KDM2B: variants seen among roughly 807,000 people sequenced by gnomAD.
KDM2B encodes the protein lysine-specific demethylase 2B.
A neutral mutation model predicts 150.0 loss-of-function variants in KDM2B; 26 were observed. That is an observed-to-expected ratio of 0.17 (90% CI 0.13 to 0.24). KDM2B has a LOEUF of 0.24. Ranked by LOEUF, KDM2B falls within the 10% of genes least tolerant of loss-of-function variation. The pLI, the probability that KDM2B is intolerant of heterozygous loss-of-function variation, is 1.00. For missense variants in KDM2B, 1,265 were observed against 1,816.9 expected (o/e 0.70, Z 5.52); for synonymous variants, 734 against 729.5 (o/e 1.01, Z -0.10).
intron 12 of KDM2B, among the ~76,000 whole-genome samples, chr12:121,454,650 G>C (rs578174430): frequency 6.6e-6 from 1 of 152,294 alleles, no homozygotes; most frequent in East Asian, 1.9e-4. Context: ...AAATGGTGAA[G>C]TCCCTGTCAG....
At position 121,453,069 on chromosome 12, in the gene KDM2B, G is replaced by A. The variant is rs782465784; in HGVS notation, c.1959+51C>T. ...CGAGCAGCGGTCAGACACGCGGGCC[G>A]GCACGCAGGGGCCTGAATCGAGCGC... On this transcript the variant is annotated intron_variant, in intron 13 of 22. Transcript: ENST00000377071. This position sits in a 1 kb window ranked among gnomAD's most constrained non-coding sequence, Gnocchi z 6.4. 7.5e-6 allele frequency: 11 copies of A among 1,468,704 alleles called. No individual in the cohort carries two copies. Among genetic ancestry groups the A allele is most frequent in the South Asian group, 6.4e-5 (5 of 78,318 alleles). The allele number at this position is 1,468,704 out of a possible 1,614,324, so 91.0% of individuals were successfully genotyped here. A position where few individuals can be genotyped will look rare whatever the true frequency, so the allele number is the denominator to read the frequency against.
At chr12:121,580,258 G>A in intron 1 of KDM2B, 12 of 1,267,310 alleles carry the variant, frequency 9.5e-6, no homozygotes, top group East Asian at 3.1e-5. Context: ...GTTGTGGGGG[G>A]GGGGAGGCGT....
intron 6 of KDM2B, among the ~76,000 whole-genome samples, chr12:121,544,041 G>A (rs1888817163): frequency 6.6e-6 from 1 of 150,630 alleles, no homozygotes; most frequent in Non-Finnish European, 1.5e-5. Context: ...CTTGAGCCTG[G>A]GAGGAGGAAG....
chr12:121,426,305 T>C (rs1872508241), downstream of KDM2B, among the ~76,000 whole-genome samples: 1 of 152,214 alleles, frequency 6.6e-6, no homozygotes. Flanking sequence ...CCCTGGTTTA[T>C]TAGCCAGATA....
chr12:121,467,045 A>G lies in KDM2B; in HGVS notation c.1735-13701T>C. 2.0e-6 allele frequency: 1 copy of G among 510,232 alleles called. No individual in the cohort carries two copies. Among genetic ancestry groups the G allele is most frequent in the Non-Finnish European group, 2.6e-6 (1 of 385,460 alleles). 31.6% of individuals were successfully genotyped at this position (510,232 alleles called of 1,614,324 possible). A position where few individuals can be genotyped will look rare whatever the true frequency, so the allele number is the denominator to read the frequency against. On this transcript the variant is annotated intron_variant, in intron 12 of 22. Coordinates refer to ENST00000377071, the MANE Select transcript of KDM2B (RefSeq NM_032590.5). The surrounding 1 kb of genome is among the most constrained non-coding windows in gnomAD (Gnocchi z 5.1). ...CCGCCCCGCCGGCAGCGGCAGCAAA[A>G]CTTTCTCCTCATCGCGGCGGCGGCG...
rs1877585168 is a variant in KDM2B at position 121,453,061 on chromosome 12, C to G, written c.1959+59G>C. ...GGCCAGAGCGAGCAGCGGTCAGACACGCGGGCCGGCACGCAGGGGCCTGAA... is the reference window on the plus strand; with the variant it reads ...GGCCAGAGCGAGCAGCGGTCAGACAGGCGGGCCGGCACGCAGGGGCCTGAA... On this transcript the variant is annotated intron_variant, in intron 13 of 22. Coordinates refer to ENST00000377071, the MANE Select transcript of KDM2B (RefSeq NM_032590.5). The surrounding 1 kb of genome is among the most constrained non-coding windows in gnomAD (Gnocchi z 6.4). 1 of 1,417,696 alleles carries G rather than the reference C, an allele frequency of 7.1e-7. No individual in the cohort carries two copies. Among genetic ancestry groups the G allele is most frequent in the Admixed American group, 2.1e-5 (1 of 46,666 alleles). The allele number at this position is 1,417,696 out of a possible 1,614,324, so 87.8% of individuals were successfully genotyped here. A position where few individuals can be genotyped will look rare whatever the true frequency, so the allele number is the denominator to read the frequency against.
At chr12:121,495,128 C>T (rs1883783920) in intron 11 of KDM2B, among the ~76,000 whole-genome samples, 1 of 151,582 alleles carries the variant, frequency 6.6e-6, no homozygotes, top group Admixed American at 6.6e-5. Context: ...TCCTAAGTAG[C>T]TGAGACCACA....
chr12:121,476,680 G>A (rs116111464), intron 12 of KDM2B, among the ~76,000 whole-genome samples: 2,281 of 152,140 alleles, frequency 0.015, 57 homozygotes, highest in African/African-American at 0.052. Flanking sequence ...GATGGGCTCC[G>A]ATGACACTTT....
intron 4 of KDM2B, among the ~76,000 whole-genome samples, chr12:121,561,539 C>T (rs1415396600): frequency 6.6e-6 from 1 of 152,154 alleles, no homozygotes. Context: ...TGGCCCCTCT[C>T]CCTGCATTTC....
chr12:121,428,095 C>T (rs1872600620), downstream of KDM2B, among the ~76,000 whole-genome samples: 2 of 152,136 alleles, frequency 1.3e-5, no homozygotes, highest in South Asian at 4.1e-4. Flanking sequence ...GAAGTGGATT[C>T]CTGAGTTAAA....
chr12:121,525,929 C>T (rs782143557), intron 8 of KDM2B, among the ~76,000 whole-genome samples: 1 of 152,150 alleles, frequency 6.6e-6, no homozygotes, highest in Non-Finnish European at 1.5e-5. Context: ...AAATAAGGTC[C>T]CCATACTGGC....
At chr12:121,574,664 G>A (rs532476470) in intron 3 of KDM2B, 71 bp from the exon 4 acceptor site, 9 of 1,409,162 alleles carry the variant, frequency 6.4e-6, no homozygotes, top group East Asian at 2.3e-5. Flanking sequence ...CTGGGCCCGG[G>A]GGGAAGCCAT....
At position 121,553,005 on chromosome 12, in the gene KDM2B, G is replaced by A. The variant is rs1566410264; in HGVS notation, c.398-3367C>T. The stretch of plus-strand genomic sequence containing the variant: ...CCCAGCACTTTGGGAGGCTGAGGCG[G>A]GCAGATCATGAGGTCAGGAGATTGA... On this transcript the variant is annotated intron_variant, in intron 4 of 22. Transcript: ENST00000377071. Among the ~76,000 whole-genome samples the A allele has an allele frequency of 2.0e-5, 3 of 152,152 alleles. No homozygotes were observed. In the South Asian group the frequency reaches 6.2e-4, roughly 32 times the overall value.
intron 12 of KDM2B, among the ~76,000 whole-genome samples, chr12:121,460,458 G>A (rs1555293588): frequency 6.6e-6 from 1 of 152,224 alleles, no homozygotes; most frequent in African/African-American, 2.4e-5. Flanking sequence ...GAGTGCAGTG[G>A]CGTGATCTCA....
chr12:121,458,628 C>T (rs1214182745), intron 12 of KDM2B, among the ~76,000 whole-genome samples: 1 of 151,798 alleles, frequency 6.6e-6, no homozygotes, highest in Non-Finnish European at 1.5e-5. Flanking sequence ...ATGGTGAAAC[C>T]CCATCCCTAC....
At position 121,474,690 on chromosome 12, in the gene KDM2B, C is replaced by T. The variant is rs555031806; in HGVS notation, c.1734+19889G>A. On this transcript the variant is annotated intron_variant, in intron 12 of 22. Coordinates refer to ENST00000377071, the MANE Select transcript of KDM2B (RefSeq NM_032590.5). ...AAAAATAGCTGGGCATGGTGGCTCA[C>T]GCCTGTAATGCCAGCACTTTGGAAG... Among the ~76,000 whole-genome samples, 16 of 152,308 alleles carry T rather than the reference C, an allele frequency of 1.1e-4. No individual in the cohort carries two copies. The South Asian group carries it at 2.9e-3, about 28-fold the overall frequency.
chr12:121,437,532 T>C (rs1308374568), intron 22 of KDM2B, among the ~76,000 whole-genome samples: 3 of 151,904 alleles, frequency 2.0e-5, no homozygotes, highest in Non-Finnish European at 2.9e-5. Flanking sequence ...TTGCAGTATA[T>C]GGGCTGCCAA....
At chr12:121,420,633 T>C in the KDM2B span, 1 of 1,614,124 alleles carries the variant, frequency 6.2e-7, no homozygotes, top group East Asian at 2.2e-5. Flanking sequence ...TGTCAAGCCT[T>C]GATGATGTGG....
intron 11 of KDM2B, among the ~76,000 whole-genome samples, chr12:121,504,999 C>T (rs1422010912): frequency 1.3e-5 from 2 of 151,730 alleles, no homozygotes; most frequent in Non-Finnish European, 2.9e-5. Context: ...CGCCTGTAGT[C>T]CCAGCTACTC....
Sources: gnomAD v4.1 joint callset for allele counts (sites outside exome capture counted in the v4.1 genomes callset) on GRCh38, gnomAD v4.1.1 for gene constraint, Gnocchi (gnomAD v3.1) non-coding constraint, MANE v1.5 for transcripts, NCBI Gene and HGNC (gene_info 2026-07-23, HGNC 2026-07-21) for gene names.